The following TTC28 variants were observed in gnomAD, a reference collection of about 807,000 sequenced individuals.
TTC28 encodes tetratricopeptide repeat domain 28.
A neutral mutation model predicts 198.0 loss-of-function variants in TTC28; 61 were observed. The ratio of observed to expected loss-of-function variants is 0.31; its 90% CI spans 0.25 to 0.38. TTC28 has a LOEUF of 0.38. TTC28 is among the 10% of genes least tolerant of loss of function. The pLI, the probability that TTC28 is intolerant of heterozygous loss-of-function variation, is 1.00. For synonymous variants in TTC28, 1,171 were observed against 1,297.8 expected (o/e 0.90, Z 2.10); for missense variants, 2,678 against 3,164.0 (o/e 0.85, Z 3.69).
intron 5 of TTC28, among the ~76,000 whole-genome samples, chr22:28,286,496 A>C (rs2044688839): frequency 6.6e-6 from 1 of 152,236 alleles, no homozygotes; most frequent in African/African-American, 2.4e-5. Flanking sequence ...CCCACATTTT[A>C]AATGCTCAAT....
chr22:28,580,197 A>G (rs2050215621), intron 2 of TTC28, among the ~76,000 whole-genome samples: 1 of 152,122 alleles, frequency 6.6e-6, no homozygotes, highest in Non-Finnish European at 1.5e-5. Flanking sequence ...AAACAGGCTG[A>G]GTGGATAACT....
At chr22:28,223,077 G>A (rs564764818) in intron 5 of TTC28, among the ~76,000 whole-genome samples, 1 of 152,308 alleles carries the variant, frequency 6.6e-6, no homozygotes, top group South Asian at 2.1e-4. Flanking sequence ...GAACTGAAAG[G>A]CCCTTCTGTC....
intron 12 of TTC28, among the ~76,000 whole-genome samples, chr22:28,063,898 T>G (rs911255756): frequency 6.6e-6 from 1 of 152,136 alleles, no homozygotes; most frequent in African/African-American, 2.4e-5. Context: ...GAGCAACAGC[T>G]GATGTGAGGA....
intron 2 of TTC28, among the ~76,000 whole-genome samples, chr22:28,447,885 C>T (rs1370046393): frequency 1.3e-5 from 2 of 152,122 alleles, no homozygotes; most frequent in African/African-American, 4.8e-5. Flanking sequence ...GTCTGGCTTT[C>T]GTTTAATAGG....
intron 12 of TTC28, among the ~76,000 whole-genome samples, chr22:28,082,547 C>T (rs57133747): frequency 0.03 from 4,573 of 152,216 alleles, 144 homozygotes; most frequent in East Asian, 0.072. Flanking sequence ...TGGTGTATTA[C>T]GCTGATTGAT....
intron 2 of TTC28, among the ~76,000 whole-genome samples, chr22:28,421,527 G>A (rs1299793305): frequency 6.6e-6 from 1 of 152,062 alleles, no homozygotes; most frequent in Non-Finnish European, 1.5e-5. Context: ...ATATGTATTA[G>A]TAATAATTAT....
chr22:28,201,312 A>C (rs1925918329), intron 5 of TTC28, among the ~76,000 whole-genome samples: 3 of 152,278 alleles, frequency 2.0e-5, no homozygotes, highest in Admixed American at 1.3e-4. Flanking sequence ...GCAGGGCGAG[A>C]GTAGAGCACA....
At chr22:28,408,826 T>A (rs139775683) in intron 2 of TTC28, among the ~76,000 whole-genome samples, 5 of 152,182 alleles carry the variant, frequency 3.3e-5, no homozygotes, top group African/African-American at 7.2e-5. Flanking sequence ...AACTACCACA[T>A]CTGAAAGAGA....
intron 12 of TTC28, among the ~76,000 whole-genome samples, chr22:28,075,031 T>C (rs1941123056): frequency 6.6e-6 from 1 of 152,064 alleles, no homozygotes; most frequent in South Asian, 2.1e-4. Flanking sequence ...GAGGTTTCAG[T>C]GAGCCAAGAT....
Position 28,559,515 on chromosome 22 carries a change from C to T in TTC28, c.381+70037G>A, listed in dbSNP as rs1216631345. On this transcript the variant is annotated intron_variant, in intron 2 of 22. Transcript: ENST00000397906. ...ATTTATCTACCACACTCCATCCCAA[C>T]TGCCACCACCCCGGCCTAAGACAAT... is the stretch of plus-strand genomic sequence containing the variant. Among the ~76,000 whole-genome samples the T allele has an allele frequency of 2.6e-5, 4 of 152,326 alleles. No homozygotes were observed. In the South Asian group the frequency reaches 8.3e-4, roughly 32 times the overall value.
rs2046333413 is a variant in TTC28 at position 28,371,518 on chromosome 22, A to AAAAAAAAAAAAG, written c.382-64887_382-64876dup. On this transcript the variant is annotated intron_variant, in intron 2 of 22. Transcript: ENST00000397906. ...GAGTGAGACCCTGTCTCAAAAAAAAAAAAAAAAAAAAGAGTTCAGAAAACA... is the reference window on the plus strand; with the variant it reads ...GAGTGAGACCCTGTCTCAAAAAAAAAAAAAAAAAAAAGAAAAAAAAAAAGAGTTCAGAAAACA... Among the ~76,000 whole-genome samples, 2 of 134,086 alleles carry AAAAAAAAAAAAG rather than the reference A, an allele frequency of 1.5e-5. 1 individual carries two copies. The highest frequency in any genetic ancestry group is 3.2e-5 in the Non-Finnish European group (2 of 63,074). 88.0% of individuals were successfully genotyped at this position (134,086 alleles called of 152,430 possible).
At chr22:28,473,480 C>T (rs1304455869) in intron 2 of TTC28, among the ~76,000 whole-genome samples, 1 of 152,104 alleles carries the variant, frequency 6.6e-6, no homozygotes, top group Non-Finnish European at 1.5e-5. Flanking sequence ...CTGGAAGTTA[C>T]CACCCCTTTC....
At chr22:28,118,063 TACA>T (rs1437353317) in intron 6 of TTC28, among the ~76,000 whole-genome samples, 1 of 152,170 alleles carries the variant, frequency 6.6e-6, no homozygotes, top group African/African-American at 2.4e-5. Flanking sequence ...TATAATTATA[TACA>T]ACTACTATGT....
intron 2 of TTC28, among the ~76,000 whole-genome samples, chr22:28,381,236 G>T (rs763460753): frequency 1.3e-5 from 2 of 151,990 alleles, no homozygotes; most frequent in Non-Finnish European, 2.9e-5. Context: ...CTACTGATTG[G>T]CAATTTGGCC....
intron 12 of TTC28, among the ~76,000 whole-genome samples, chr22:28,090,249 T>C (rs1215929698): frequency 6.6e-6 from 1 of 152,150 alleles, no homozygotes; most frequent in East Asian, 1.9e-4. Flanking sequence ...TAGCCTAGTC[T>C]CCTTCTGAGA....
At position 27,983,521 on chromosome 22, in the gene TTC28, C is replaced by T. The variant is rs1268279970; in HGVS notation, c.6146G>A (p.Gly2049Asp). 1 of 1,549,932 alleles carries T rather than the reference C, an allele frequency of 6.5e-7. No homozygotes were observed. The highest frequency in any genetic ancestry group is 1.2e-5 in the South Asian group (1 of 83,972). Reference sequence around the variant, plus strand: ...TTCATATTCTTCTTCATCTTTGTTGCCTGCAGGGCGGGTCTGGGGAGGCAG... The same window carrying T: ...TTCATATTCTTCTTCATCTTTGTTGTCTGCAGGGCGGGTCTGGGGAGGCAG... ...SQLPPQTRPA[G>D]NKDEEEYEGF... is the part of the protein sequence containing the mutation. Residue 2049 changes from glycine (G) to aspartate (D), a missense_variant, in exon 23 of 23, where the codon GGC becomes GAC. Coordinates refer to ENST00000397906, the MANE Select transcript of TTC28 (RefSeq NM_001145418.2).
At chr22:28,476,535 TA>T (rs1472318375) in intron 2 of TTC28, among the ~76,000 whole-genome samples, 1 of 152,202 alleles carries the variant, frequency 6.6e-6, no homozygotes, top group Non-Finnish European at 1.5e-5. Context: ...AAACTATTCT[TA>T]AAATCAGTTA....
At chr22:28,220,181 C>T (rs1438148757) in intron 5 of TTC28, among the ~76,000 whole-genome samples, 5 of 152,200 alleles carry the variant, frequency 3.3e-5, no homozygotes, top group African/African-American at 1.2e-4. Flanking sequence ...AGCACAATTA[C>T]ACATCTAATT....
intron 2 of TTC28, among the ~76,000 whole-genome samples, chr22:28,480,772 A>G (rs879381482): frequency 6.6e-6 from 1 of 152,178 alleles, no homozygotes; most frequent in Admixed American, 6.5e-5. Flanking sequence ...GAAGGAAAAA[A>G]ATACAGAAAA....
Sources: allele counts gnomAD v4.1 joint callset (sites outside exome capture counted in the v4.1 genomes callset), GRCh38; gene constraint gnomAD v4.1.1; transcripts MANE v1.5; gene names NCBI Gene and HGNC (gene_info 2026-07-23, HGNC 2026-07-21).